Variants in CCDC157 observed in about 807,000 individuals in gnomAD.
The protein encoded by CCDC157 is coiled-coil domain-containing protein 157.
CCDC157 carries 60 observed loss-of-function variants against 70.9 expected under a neutral mutation model. The ratio of observed to expected loss-of-function variants is 0.85; its 90% CI spans 0.69 to 1.05. CCDC157 has a LOEUF of 1.05. CCDC157 is among the 50% of genes least tolerant of loss of function. The pLI is 0.00. For synonymous variants in CCDC157, 373 were observed against 422.4 expected (o/e 0.88, Z 1.43); for missense variants, 943 against 984.2 (o/e 0.96, Z 0.56).
rs1190228309 is a variant in CCDC157 at position 30,369,435 on chromosome 22, C to T, written c.252C>T (p.Leu84=). The T allele has an allele frequency of 1.3e-6, 2 of 1,519,886 alleles. No homozygotes were observed. The allele number at this position is 1,519,886 out of a possible 1,614,324, so 94.1% of individuals were successfully genotyped here. A position where few individuals can be genotyped will look rare whatever the true frequency, so the allele number is the denominator to read the frequency against. ...AVLLELVIDR[L]LLLLQSCMSY... ...AACCTAGCATCTCTGCCCGCAGGCT[C>T]CTGCTGCTGCTTCAAAGCTGTATGA... Residue 84 remains leucine, a synonymous_variant, in exon 4 of 12, where the codon CTC becomes CTT. Transcript: ENST00000338306.
rs187739731 is a variant in CCDC157 at position 30,376,316 on chromosome 22, C to A, written c.1915C>A (p.Pro639Thr). 1.9e-4 allele frequency: 301 copies of A among 1,613,568 alleles called. 1 individual carries two copies. In the East Asian group the frequency reaches 6.3e-3, roughly 34 times the overall value. The change falls in exon 11 of 12, where the codon CCA becomes ACA. Residue 639 changes from proline (P) to threonine (T), a missense_variant. Transcript: ENST00000338306. The part of the protein sequence containing the change: ...PSSKGTQGAT[P>T]PVQAKSTSPG... Reference sequence around the variant, plus strand: ...CAGCAAGGGAACCCAGGGAGCAACACCACCAGTCCAGGCCAAGAGCACATC... The same window carrying A: ...CAGCAAGGGAACCCAGGGAGCAACAACACCAGTCCAGGCCAAGAGCACATC...
At position 30,357,065 on chromosome 22, in the gene CCDC157, C is replaced by T; in HGVS notation, c.-233C>T. ...GGCTTTTCGGGGATCCCGGTGGCCG[C>T]AGGCGCACCGGGGGCAGTTCCGGGA... On this transcript the variant is annotated 5_prime_UTR_variant, in exon 1 of 12. Transcript: ENST00000338306. 1 of 352,064 alleles carries T rather than the reference C, an allele frequency of 2.8e-6. No homozygotes were observed. 21.8% of individuals were successfully genotyped at this position (352,064 alleles called of 1,614,324 possible). A position where few individuals can be genotyped will look rare whatever the true frequency, so the allele number is the denominator to read the frequency against.
upstream of CCDC157, chr22:30,356,751 G>A: frequency 1.3e-6 from 2 of 1,488,198 alleles, no homozygotes; most frequent in Non-Finnish European, 1.8e-6. Flanking sequence ...CCGTGGGCAC[G>A]GGCGGCGGCG....
chr22:30,375,839 G>A (rs893649315), intron 10 of CCDC157, 176 bp downstream of exon 10: 13 of 623,650 alleles, frequency 2.1e-5, no homozygotes, highest in Admixed American at 6.4e-5. Context: ...TTATGGATCC[G>A]ATGCCTTCCA....
At chr22:30,369,912 T>C (rs1434386111) in intron 4 of CCDC157, 1 of 460,230 alleles carries the variant, frequency 2.2e-6, no homozygotes, top group South Asian at 3.7e-5. Context: ...TGTTATGGGC[T>C]ATCCCGTAAT....
intron 6 of CCDC157, 124 bp from the exon 7 acceptor site, chr22:30,371,951 T>C: frequency 1.3e-6 from 1 of 786,976 alleles, no homozygotes; most frequent in Non-Finnish European, 2.0e-6. Flanking sequence ...AGGTGGGGTC[T>C]AGAGCCCCAT....
At chr22:30,366,456 G>A (rs577686313) in intron 3 of CCDC157, 1 of 640,518 alleles carries the variant, frequency 1.6e-6, no homozygotes, top group Admixed American at 2.8e-5. Context: ...GCTATCCTGT[G>A]TTAGGCTCTC....
chr22:30,375,039 A>C, intron 9 of CCDC157: 1 of 302,396 alleles, frequency 3.3e-6, no homozygotes, highest in Non-Finnish European at 6.3e-6. Context: ...GCTCACTGCA[A>C]CCTCCACCTC....
chr22:30,372,466 A>G, intron 7 of CCDC157, 180 bp downstream of exon 7: 1 of 883,952 alleles, frequency 1.1e-6, no homozygotes, highest in Non-Finnish European at 1.7e-6. Flanking sequence ...CTGGGGGAAC[A>G]GTGACCCAGG....
At chr22:30,375,325 C>T (rs1489894215) in intron 9 of CCDC157, 154 bp from the exon 10 acceptor site, 2 of 666,376 alleles carry the variant, frequency 3.0e-6, no homozygotes, top group Non-Finnish European at 2.6e-6. Flanking sequence ...GGTCATCTTC[C>T]CTGCAGGTTG....
At chr22:30,373,351 G>A (rs1255576419) in intron 7 of CCDC157, 9 of 523,434 alleles carry the variant, frequency 1.7e-5, no homozygotes, top group South Asian at 4.7e-5. Flanking sequence ...AGCCATCTGC[G>A]TTCCAAGGGC....
In CCDC157 at chr22:30,373,630, C is replaced by T. The variant is rs1263833338; in HGVS notation, c.1369C>T (p.Gln457Ter). ...LQAKQRALLK[Q>*]LDSLDQEREE... is the part of the protein sequence containing the mutation. ...GGCCAAGCAGCGAGCCCTGCTAAAG[C>T]AGCTGGACAGCCTGGACCAGGAACG... Residue 457 changes from glutamine (Q) to a stop codon, truncating the protein, a stop_gained, in exon 8 of 12, where the codon CAG becomes TAG. Transcript: ENST00000338306. LOFTEE classifies it high-confidence loss of function. 4 of 1,557,450 alleles carry T rather than the reference C, an allele frequency of 2.6e-6. No homozygotes were observed. Among genetic ancestry groups the T allele is most frequent in the Non-Finnish European group, 3.5e-6 (4 of 1,150,346 alleles).
rs764767205 is a variant in CCDC157 at position 30,374,090 on chromosome 22, T to C, written c.1671T>C (p.His557=). The C allele has an allele frequency of 1.3e-5, 21 of 1,591,836 alleles. No homozygotes were observed. The highest frequency in any genetic ancestry group is 2.7e-5 in the African/African-American group (2 of 73,904). Residue 557 remains histidine (H), a splice_region_variant and synonymous_variant, in exon 9 of 12, where the codon CAT becomes CAC. Transcript: ENST00000338306. The part of the protein sequence containing the change: ...DLHRPTETQI[H]GGRSSSVESQ... Reference sequence around the variant, plus strand: ...ACAGGCCCACCGAGACCCAGATCCATGGTAGGGGACTGGGGATGGTGCCAA... The same window carrying C: ...ACAGGCCCACCGAGACCCAGATCCACGGTAGGGGACTGGGGATGGTGCCAA...
At chr22:30,368,057 A>G (rs1272500618) in intron 3 of CCDC157, among the ~76,000 whole-genome samples, 1 of 152,174 alleles carries the variant, frequency 6.6e-6, no homozygotes, top group African/African-American at 2.4e-5. Flanking sequence ...CAAAACAAAC[A>G]AACAAACAAA....
In CCDC157 at chr22:30,366,260, G is replaced by T; in HGVS notation, c.248+12G>T. On this transcript the variant is annotated intron_variant, in intron 3 of 11. Coordinates refer to ENST00000338306, the MANE Select transcript of CCDC157 (RefSeq NM_001017437.5). The stretch of plus-strand genomic sequence containing the variant: ...CTGGTCATCGACAGGTGAGGGCCTT[G>T]ACCAAGCCTGGTCATCTCAGGATGC... 1 of 1,613,088 alleles carries T rather than the reference G, an allele frequency of 6.2e-7. No homozygotes were observed. The highest frequency in any genetic ancestry group is 1.1e-5 in the South Asian group (1 of 91,054).
intron 9 of CCDC157, chr22:30,374,350 G>A (rs1310551679): frequency 1.6e-6 from 1 of 628,076 alleles, no homozygotes; most frequent in Non-Finnish European, 3.0e-6. Flanking sequence ...CGCAGACACA[G>A]GTCTGGTTGT....
chr22:30,369,608 G>T lies in CCDC157; in HGVS notation c.420+5G>T. On this transcript the variant is annotated splice_donor_5th_base_variant and intron_variant, in intron 4 of 11. Coordinates refer to ENST00000338306, the MANE Select transcript of CCDC157 (RefSeq NM_001017437.5). ...CACCAGCAGCCACTCCCCCAGGTGG[G>T]TCCCAGCCTCTGTCTCAGGTGGGTC... 1 of 1,529,476 alleles carries T rather than the reference G, an allele frequency of 6.5e-7. No individual in the cohort carries two copies. The highest frequency in any genetic ancestry group is 8.8e-7 in the Non-Finnish European group (1 of 1,140,452). The allele number at this position is 1,529,476 out of a possible 1,614,324, so 94.7% of individuals were successfully genotyped here. A position where few individuals can be genotyped will look rare whatever the true frequency, so the allele number is the denominator to read the frequency against.
At chr22:30,374,904 G>A (rs1006257319) in intron 9 of CCDC157, 14 of 18,108 alleles carry the variant, frequency 7.7e-4, no homozygotes, top group Non-Finnish European at 9.2e-4. Flanking sequence ...TGTCCAAAAC[G>A]GGGGGGCCTT....
intron 1 of CCDC157, among the ~76,000 whole-genome samples, chr22:30,357,885 A>G (rs1007305005): frequency 6.6e-6 from 1 of 152,014 alleles, no homozygotes; most frequent in Non-Finnish European, 1.5e-5. Context: ...GCTGGTCTCA[A>G]ACTCCTGGGG....
Sources: gnomAD v4.1 joint callset for allele counts (sites outside exome capture counted in the v4.1 genomes callset) on GRCh38, gnomAD v4.1.1 for gene constraint, MANE v1.5 for transcripts, NCBI Gene and HGNC (gene_info 2026-07-23, HGNC 2026-07-21) for gene names.